The following NRBF2 variants were observed in gnomAD, a reference collection of about 807,000 sequenced individuals.
The protein encoded by NRBF2 is nuclear receptor-binding factor 2.
Under a neutral mutation model 28.5 loss-of-function variants are expected in NRBF2, and 12 were observed. That is an observed-to-expected ratio of 0.42 (90% CI 0.27 to 0.68). NRBF2 has a LOEUF of 0.68. Ranked by LOEUF, NRBF2 falls within the 30% of genes least tolerant of loss-of-function variation. The pLI is 0.24. For synonymous variants in NRBF2, 102 were observed against 116.5 expected, an observed-to-expected ratio of 0.88 and a Z score of 0.80; for missense variants, 274 against 333.5, an observed-to-expected ratio of 0.82 and a Z score of 1.39.
At chr10:63,138,452 G>A (rs956871308) in intron 1 of NRBF2, among the ~76,000 whole-genome samples, 2 of 150,644 alleles carry the variant, frequency 1.3e-5, no homozygotes, top group African/African-American at 4.9e-5. Context: ...CCACTGCACT[G>A]CAGCCTGAGC....
intron 1 of NRBF2, among the ~76,000 whole-genome samples, chr10:63,142,009 C>T (rs768636747): frequency 6.6e-6 from 1 of 151,532 alleles, no homozygotes; most frequent in Non-Finnish European, 1.5e-5. Context: ...TGAGGACCTG[C>T]TCTCACTGTT....
Position 63,153,856 on chromosome 10 carries a change from A to C in NRBF2, c.502A>C (p.Ile168Leu). The change falls in exon 4 of 4, where the codon ATA becomes CTA. Residue 168 changes from isoleucine (I) to leucine (L), a missense_variant. By Grantham distance (5) the Ile-to-Leu change is conservative (BLOSUM62 2). Coordinates refer to ENST00000277746, the MANE Select transcript of NRBF2 (RefSeq NM_030759.5). The stretch of plus-strand genomic sequence containing the variant: ...AGCCCCAAAAGATGATAAAACAATT[A>C]TAGAGGAGCAGGCAACCAAAATTGC... ...SKAPKDDKTI[I>L]EEQATKIADL... 1 of 1,612,294 alleles carries C rather than the reference A, an allele frequency of 6.2e-7. No homozygotes were observed. Among genetic ancestry groups the C allele is most frequent in the Non-Finnish European group, 8.5e-7 (1 of 1,179,762 alleles).
At chr10:63,137,013 G>A (rs1336129377) in intron 1 of NRBF2, among the ~76,000 whole-genome samples, 3 of 152,126 alleles carry the variant, frequency 2.0e-5, no homozygotes, top group Admixed American at 6.6e-5. Flanking sequence ...GTTTCATTAG[G>A]GTTTTTTGGT....
intron 3 of NRBF2, among the ~76,000 whole-genome samples, chr10:63,153,105 A>G (rs1033458110): frequency 2.0e-5 from 3 of 152,238 alleles, no homozygotes; most frequent in Non-Finnish European, 2.9e-5. Context: ...TAGTTTCTCA[A>G]ACTGAACCAA....
At chr10:63,146,809 CTG>C (rs1222370389) in intron 2 of NRBF2, among the ~76,000 whole-genome samples, 1 of 152,010 alleles carries the variant, frequency 6.6e-6, no homozygotes, top group Non-Finnish European at 1.5e-5. Context: ...ACATGCATGC[CTG>C]TAGTAACATG....
At chr10:63,145,118 T>C (rs1841538364) in intron 1 of NRBF2, among the ~76,000 whole-genome samples, 1 of 148,644 alleles carries the variant, frequency 6.7e-6, no homozygotes, top group African/African-American at 2.5e-5. Flanking sequence ...TTTTTTTTTT[T>C]TTTTTTGAGA....
At chr10:63,134,509 G>C (rs1841344669) in intron 1 of NRBF2, among the ~76,000 whole-genome samples, 1 of 152,172 alleles carries the variant, frequency 6.6e-6, no homozygotes, top group Non-Finnish European at 1.5e-5. Flanking sequence ...AAGACTCTAG[G>C]TTTTGAAGCT....
intron 1 of NRBF2, among the ~76,000 whole-genome samples, chr10:63,144,084 A>G (rs1320570958): frequency 6.6e-6 from 1 of 152,132 alleles, no homozygotes; most frequent in Admixed American, 6.6e-5. Context: ...AAGTGATGTA[A>G]AAAACACGTG....
At chr10:63,148,093 T>C (rs1365060677) in intron 2 of NRBF2, among the ~76,000 whole-genome samples, 3 of 152,208 alleles carry the variant, frequency 2.0e-5, no homozygotes, top group Non-Finnish European at 4.4e-5. Flanking sequence ...ATATAACATA[T>C]GTTAAGTGGA....
intron 1 of NRBF2, among the ~76,000 whole-genome samples, chr10:63,142,650 T>C (rs924401303): frequency 1.3e-5 from 2 of 152,144 alleles, no homozygotes; most frequent in African/African-American, 4.8e-5. Context: ...TTTCCCAAAA[T>C]ACCTGTATAA....
chr10:63,135,856 A>G (rs945609315), intron 1 of NRBF2, among the ~76,000 whole-genome samples: 3 of 152,150 alleles, frequency 2.0e-5, no homozygotes, highest in African/African-American at 7.2e-5. Context: ...CATGTTGGCC[A>G]GGATGGTCTC....
chr10:63,152,005 A>T (rs1271239409), intron 2 of NRBF2, 145 bp from the exon 3 acceptor site: 1 of 520,888 alleles, frequency 1.9e-6, no homozygotes, highest in African/African-American at 2.0e-5. Context: ...GGGGGAAGTT[A>T]AGAATTCTTT....
At chr10:63,137,857 A>G (rs920802093) in intron 1 of NRBF2, among the ~76,000 whole-genome samples, 3 of 152,194 alleles carry the variant, frequency 2.0e-5, no homozygotes, top group Admixed American at 1.3e-4. Context: ...AGCACTCTGG[A>G]AAAAGGAGGT....
intron 1 of NRBF2, among the ~76,000 whole-genome samples, chr10:63,137,032 C>T (rs1841388829): frequency 1.3e-5 from 2 of 152,156 alleles, no homozygotes. Context: ...GTCAATTTTT[C>T]TTTAAGAGAC....
chr10:63,135,849 G>A (rs1204574984), intron 1 of NRBF2, among the ~76,000 whole-genome samples: 2 of 152,082 alleles, frequency 1.3e-5, no homozygotes, highest in African/African-American at 2.4e-5. Context: ...GTTTCACCAT[G>A]TTGGCCAGGA....
At chr10:63,144,872 G>C (rs542331419) in intron 1 of NRBF2, among the ~76,000 whole-genome samples, 1 of 152,108 alleles carries the variant, frequency 6.6e-6, no homozygotes, top group African/African-American at 2.4e-5. Flanking sequence ...TTGCTTTTTT[G>C]TGAAGCTGTG....
chr10:63,145,101 C>CTTTTTTTTTTTT (rs34823556), intron 1 of NRBF2, among the ~76,000 whole-genome samples: 1 of 85,910 alleles, frequency 1.2e-5, no homozygotes, highest in Non-Finnish European at 2.1e-5. Context: ...TATATTAAAG[C>CTTTTTTTTTTTT]TTTTTTTTTT....
intron 1 of NRBF2, among the ~76,000 whole-genome samples, chr10:63,138,282 C>T (rs190606050): frequency 6.6e-6 from 1 of 152,028 alleles, no homozygotes. Context: ...CCTTGCACTC[C>T]AGCCTGGGTG....
chr10:63,145,412 T>A (rs542584660), intron 1 of NRBF2, among the ~76,000 whole-genome samples: 1 of 152,330 alleles, frequency 6.6e-6, no homozygotes, highest in East Asian at 1.9e-4. Context: ...TTTCACCATG[T>A]TGGCCAGGCT....
Sources: allele counts gnomAD v4.1 joint callset (sites outside exome capture counted in the v4.1 genomes callset), GRCh38; gene constraint gnomAD v4.1.1; transcripts MANE v1.5; gene names NCBI Gene and HGNC (gene_info 2026-07-23, HGNC 2026-07-21).